TRIM48: variants seen among roughly 807,000 people sequenced by gnomAD.
The protein encoded by TRIM48 is tripartite motif containing 48.
In TRIM48, 31 loss-of-function variants were observed where a neutral mutation model predicts 29.5. The observed-to-expected ratio is 1.05, with a 90% CI of 0.79 to 1.42. TRIM48 has a LOEUF of 1.42. Ranked by LOEUF, TRIM48 falls within the 40% of genes most tolerant of loss-of-function variation. The probability of loss-of-function intolerance (pLI) is 0.00; values close to 1 mark genes in which losing one functional copy is unlikely to be tolerated. For missense variants in TRIM48, 344 were observed against 265.0 expected (o/e 1.30, Z -2.07); for synonymous variants, 128 against 90.6 (o/e 1.41, Z -2.34).
In TRIM48 at chr11:55,270,680, A is replaced by T; in HGVS notation, c.*245A>T. 1.3e-6 allele frequency: 2 copies of T among 1,573,852 alleles called. No individual in the cohort carries two copies. Among genetic ancestry groups the T allele is most frequent in the Non-Finnish European group, 1.7e-6 (2 of 1,157,396 alleles). Reference sequence around the variant, plus strand: ...AAGTATTGGAAAGGGAAGAATCAGAATGGCAATATATATGGAGAGGAGGGA... The same window carrying T: ...AAGTATTGGAAAGGGAAGAATCAGATTGGCAATATATATGGAGAGGAGGGA... On this transcript the variant is annotated 3_prime_UTR_variant, in exon 6 of 6. Coordinates refer to ENST00000417545, the MANE Select transcript of TRIM48 (RefSeq NM_024114.5).
chr11:55,269,187 G>T (rs1302543935), intron 4 of TRIM48, 55 bp from the exon 5 acceptor site: 3 of 1,546,916 alleles, frequency 1.9e-6, no homozygotes, highest in South Asian at 1.2e-5. Context: ...CACAAGTAGT[G>T]ATTTTTATTT....
chr11:55,270,514 T>C lies in TRIM48; in HGVS notation c.*79T>C, dbSNP rs373183719. ...AGATTTGAGAAGCATTTGTATTGGA[T>C]GTGACCGTCAAAATCCGCCCCATAT... is the stretch of plus-strand genomic sequence containing the variant. On this transcript the variant is annotated 3_prime_UTR_variant, in exon 6 of 6. Coordinates refer to ENST00000417545, the MANE Select transcript of TRIM48 (RefSeq NM_024114.5). The C allele has an allele frequency of 8.0e-5, 127 of 1,579,420 alleles. 30 individuals are homozygous for C. The East Asian group carries it at 2.8e-3, about 35-fold the overall frequency.
chr11:55,269,605 A>C (rs1273402385), intron 5 of TRIM48, among the ~76,000 whole-genome samples: 1 of 147,642 alleles, frequency 6.8e-6, no homozygotes, highest in Admixed American at 6.9e-5. Context: ...CAAATCTAAA[A>C]AAGGAGCAAA....
At chr11:55,264,590 GGCTAC>G (rs1283223259) in intron 1 of TRIM48, among the ~76,000 whole-genome samples, 1 of 147,454 alleles carries the variant, frequency 6.8e-6, no homozygotes, top group Admixed American at 6.9e-5. Flanking sequence ...ATTTATTCTA[GGCTAC>G]TTAGAATCAA....
rs377399033 is a variant in TRIM48, at chr11:55,265,578, T to C, written c.460-22T>C. ...TTACTTTATTGTCTTCACTGGTGCT[T>C]CAATTTATGGCTCTTTTGCAGGAGA... is the stretch of plus-strand genomic sequence containing the variant. On this transcript the variant is annotated intron_variant, in intron 2 of 5. Transcript: ENST00000417545. The C allele has an allele frequency of 5.1e-6, 8 of 1,576,912 alleles. No homozygotes were observed. In the African/African-American group the frequency reaches 1.1e-4, roughly 22 times the overall value.
chr11:55,269,233 T>C lies in TRIM48; in HGVS notation c.579-9T>C, dbSNP rs1308459071. 4 of 1,572,902 alleles carry C rather than the reference T, an allele frequency of 2.5e-6. No individual in the cohort carries two copies. Among genetic ancestry groups the C allele is most frequent in the Non-Finnish European group, 2.6e-6 (3 of 1,165,820 alleles). On this transcript the variant is annotated splice_polypyrimidine_tract_variant and intron_variant, in intron 4 of 5. Coordinates refer to ENST00000417545, the MANE Select transcript of TRIM48 (RefSeq NM_024114.5). Reference sequence around the variant, plus strand: ...TGTAGATGTTGTAACTGCAGGTTTTTCCTTGCAGGAGTGAGTCCGTGCTGC... The same window carrying C: ...TGTAGATGTTGTAACTGCAGGTTTTCCCTTGCAGGAGTGAGTCCGTGCTGC...
rs1391474103 is a variant in TRIM48 at position 55,264,954 on chromosome 11, C to T, written c.99C>T (p.Ile33=). The change falls in exon 2 of 6, where the codon ATC becomes ATT. Residue 33 remains isoleucine (I), a synonymous_variant. Coordinates refer to ENST00000417545, the MANE Select transcript of TRIM48 (RefSeq NM_024114.5). ...QVFQRELTCP[I]CMNYFIDPVT... is the part of the protein sequence containing the mutation. ...TCCAGAGGGAACTCACCTGCCCCAT[C>T]TGCATGAACTACTTCATAGACCCGG... 1 of 1,584,312 alleles carries T rather than the reference C, an allele frequency of 6.3e-7. No homozygotes were observed. The highest frequency in any genetic ancestry group is 8.6e-7 in the Non-Finnish European group (1 of 1,166,270).
Position 55,270,672 on chromosome 11 carries a change from G to T in TRIM48, c.*237G>T. 6.3e-7 allele frequency: 1 copy of T among 1,576,264 alleles called. No individual in the cohort carries two copies. The highest frequency in any genetic ancestry group is 8.6e-7 in the Non-Finnish European group (1 of 1,159,510). ...TCTGTAATAAGTATTGGAAAGGGAA[G>T]AATCAGAATGGCAATATATATGGAG... On this transcript the variant is annotated 3_prime_UTR_variant, in exon 6 of 6. Transcript: ENST00000417545.
rs748989321 is a variant in TRIM48 at position 55,264,963 on chromosome 11, C to A, written c.108C>A (p.Asn36Lys). ...QRELTCPICM[N>K]YFIDPVTIDC... ...AACTCACCTGCCCCATCTGCATGAA[C>A]TACTTCATAGACCCGGTCACCATAG... Residue 36 changes from asparagine to lysine, a missense_variant, in exon 2 of 6, where the codon AAC (asparagine) becomes AAA (lysine). Coordinates refer to ENST00000417545, the MANE Select transcript of TRIM48 (RefSeq NM_024114.5). 12 of 1,584,462 alleles carry A rather than the reference C, an allele frequency of 7.6e-6. 4 individuals carry two copies. In the South Asian group the frequency reaches 1.3e-4, roughly 17 times the overall value.
chr11:55,264,019 C>G (rs1260795389), intron 1 of TRIM48, among the ~76,000 whole-genome samples: 1 of 152,132 alleles, frequency 6.6e-6, no homozygotes, highest in Non-Finnish European at 1.5e-5. Context: ...CCTCCGGAAA[C>G]ACCTTCACAG....
rs1857376606 is a variant in TRIM48 at position 55,265,401 on chromosome 11, C to A, written c.459+87C>A. On this transcript the variant is annotated intron_variant, in intron 2 of 5. Transcript: ENST00000417545. Reference sequence around the variant, plus strand: ...TTTCTTGGAGATTGGGTAAAGCCAACTCTGAGTCCCTTTAAGCAACTCTCT... The same window carrying A: ...TTTCTTGGAGATTGGGTAAAGCCAAATCTGAGTCCCTTTAAGCAACTCTCT... The A allele has an allele frequency of 1.5e-5, 24 of 1,552,850 alleles. 4 individuals carry two copies. The highest frequency in any genetic ancestry group is 1.0e-4 in the South Asian group (8 of 80,048).
chr11:55,265,490 C>T (rs932483043), intron 2 of TRIM48, 110 bp from the exon 3 acceptor site: 9 of 1,477,656 alleles, frequency 6.1e-6, no homozygotes, highest in African/African-American at 4.2e-5. Context: ...AGAAGAAATG[C>T]CATTTACTAG....
intron 5 of TRIM48, among the ~76,000 whole-genome samples, chr11:55,269,554 T>C (rs942890175): frequency 1.4e-5 from 2 of 147,906 alleles, no homozygotes; most frequent in African/African-American, 5.0e-5. Context: ...TATGGCCTCA[T>C]ATGTACTGAG....
At chr11:55,264,701 G>A (rs10896569) in intron 1 of TRIM48, among the ~76,000 whole-genome samples, 199 bp from the exon 2 acceptor site, 69,512 of 146,916 alleles carry the variant, frequency 0.47, 21,178 homozygotes, top group East Asian at 0.69. Flanking sequence ...GGGTTGTGAG[G>A]CATCTAGTCA....
rs747964790 is a variant in TRIM48 at position 55,265,253 on chromosome 11, G to T, written c.398G>T (p.Ser133Ile). 1 of 1,582,532 alleles carries T rather than the reference G, an allele frequency of 6.3e-7. No individual in the cohort carries two copies. Among genetic ancestry groups the T allele is most frequent in the Non-Finnish European group, 8.6e-7 (1 of 1,166,144 alleles). Residue 133 changes from serine to isoleucine, a missense_variant, in exon 2 of 6, where the codon AGC (serine) becomes ATC (isoleucine). Transcript: ENST00000417545. Reference protein sequence around the residue: ...DRSLLCLLCSSSQEHRYHRHC... With the variant: ...DRSLLCLLCSISQEHRYHRHC... ...AGCCTGCTCTGTTTGCTGTGCTCCA[G>T]CTCTCAGGAGCACCGGTATCACAGA...
chr11:55,269,440 T>C, intron 5 of TRIM48, 101 bp downstream of exon 5: 2 of 1,415,414 alleles, frequency 1.4e-6, no homozygotes, highest in Non-Finnish European at 1.9e-6. Context: ...TTTACTACTT[T>C]ATAAGCATAA....
At chr11:55,265,843 C>T (rs549848716) in intron 3 of TRIM48, 148 bp downstream of exon 3, 3 of 1,064,500 alleles carry the variant, frequency 2.8e-6, no homozygotes, top group East Asian at 6.1e-5. Flanking sequence ...AAAATGGTCT[C>T]ATTTCTTATG....
chr11:55,265,892 C>A (rs564695970), intron 3 of TRIM48, among the ~76,000 whole-genome samples, 197 bp downstream of exon 3: 1 of 146,640 alleles, frequency 6.8e-6, no homozygotes, highest in East Asian at 2.2e-4. Context: ...TCTAACAAAA[C>A]CGTTGATGTT....
chr11:55,267,031 A>G (rs1375632877), intron 3 of TRIM48, among the ~76,000 whole-genome samples: 2 of 148,036 alleles, frequency 1.4e-5, no homozygotes, highest in Non-Finnish European at 3.0e-5. Flanking sequence ...AGTTTAAGCA[A>G]CTTGTTACAT....
Sources: allele counts gnomAD v4.1 joint callset (sites outside exome capture counted in the v4.1 genomes callset), GRCh38; gene constraint gnomAD v4.1.1; transcripts MANE v1.5; gene names NCBI Gene and HGNC (gene_info 2026-07-23, HGNC 2026-07-21).